The following SGK3 variants were observed in gnomAD, a reference collection of about 807,000 sequenced individuals.
SGK3 encodes serum/glucocorticoid regulated kinase family member 3.
SGK3 carries 47 observed loss-of-function variants against 68.5 expected under a neutral mutation model. The ratio of observed to expected loss-of-function variants is 0.69; its 90% CI spans 0.54 to 0.87. The LOEUF is 0.87. SGK3 is among the 40% of genes least tolerant of loss of function. The pLI is 0.00. For missense variants in SGK3, 479 were observed against 575.5 expected (o/e 0.83, Z 1.72); for synonymous variants, 181 against 189.1 (o/e 0.96, Z 0.35).
At chr8:66,741,811 G>A (rs1049851046) in intron 1 of SGK3, among the ~76,000 whole-genome samples, 1 of 152,224 alleles carries the variant, frequency 6.6e-6, no homozygotes, top group Non-Finnish European at 1.5e-5. Context: ...GATAGGCACA[G>A]TACCAGTAGA....
At chr8:66,836,225 G>C in intron 10 of SGK3, 151 bp downstream of exon 10, 1 of 1,070,524 alleles carries the variant, frequency 9.3e-7, no homozygotes, top group South Asian at 1.8e-5. Flanking sequence ...AGGATGTGGA[G>C]AATTGTAACA....
chr8:66,770,261 A>G (rs1288974509), intron 1 of SGK3, among the ~76,000 whole-genome samples: 2 of 151,960 alleles, frequency 1.3e-5, no homozygotes, highest in Non-Finnish European at 2.9e-5. Flanking sequence ...GCCCCTAGTG[A>G]TTACTTTTTA....
At chr8:66,842,366 G>A (rs1047124270) in intron 13 of SGK3, among the ~76,000 whole-genome samples, 4 of 151,710 alleles carry the variant, frequency 2.6e-5, no homozygotes, top group Non-Finnish European at 4.4e-5. Flanking sequence ...GACTACAGGC[G>A]CCCGCCACCA....
At position 66,859,458 on chromosome 8, in the gene SGK3, A is replaced by C; in HGVS notation, c.1368A>C (p.Glu456Asp). The C allele has an allele frequency of 1.2e-6, 2 of 1,611,766 alleles. No homozygotes were observed. Among genetic ancestry groups the C allele is most frequent in the Middle Eastern group, 1.7e-4 (1 of 6,048 alleles). The change falls in exon 17 of 17, where the codon GAA becomes GAC. Residue 456 changes from glutamate (E) to aspartate (D), a missense_variant. Transcript: ENST00000521198. ...ACTTTGACACAGCATTTACAGAAGA[A>C]ACAGTTCCATATTCTGTGTGTGTAT... The part of the protein sequence containing the change: ...IRNFDTAFTE[E>D]TVPYSVCVSS...
At chr8:66,835,669 C>T (rs1809492263) in intron 8 of SGK3, 94 bp from the exon 9 acceptor site, 11 of 1,351,798 alleles carry the variant, frequency 8.1e-6, no homozygotes, top group South Asian at 1.6e-5. Context: ...TTTCTTTTTA[C>T]AGAATTTAAG....
In SGK3 at chr8:66,798,556, G is replaced by A. The variant is rs1445153305; in HGVS notation, c.111G>A (p.Leu37=). 1.9e-6 allele frequency: 3 copies of A among 1,610,340 alleles called. No homozygotes were observed. Among genetic ancestry groups the A allele is most frequent in the Non-Finnish European group, 2.5e-6 (3 of 1,178,028 alleles). Residue 37 remains leucine, a synonymous_variant, in exon 3 of 17, where the codon CTG becomes CTA. Coordinates refer to ENST00000521198, the MANE Select transcript of SGK3 (RefSeq NM_001033578.3). ...KKKRFTVYKV[L]VSVGRSEWFV... is the part of the protein sequence containing the mutation. The stretch of plus-strand genomic sequence containing the variant: ...TATTTCCACAGGTTTATAAAGTTCT[G>A]GTTTCAGTGGGAAGAAGTGAATGGT...
chr8:66,753,319 A>G (rs1805878178), intron 1 of SGK3, among the ~76,000 whole-genome samples: 1 of 152,148 alleles, frequency 6.6e-6, no homozygotes, highest in African/African-American at 2.4e-5. Context: ...ATGCATTTCC[A>G]TATGTGACCT....
intron 1 of SGK3, among the ~76,000 whole-genome samples, chr8:66,788,160 A>C (rs1192032159): frequency 6.6e-6 from 1 of 152,210 alleles, no homozygotes; most frequent in Non-Finnish European, 1.5e-5. Flanking sequence ...AAGGAGGAAC[A>C]AGCAGTAGGG....
intron 16 of SGK3, among the ~76,000 whole-genome samples, chr8:66,859,040 G>A (rs1810647901): frequency 6.6e-6 from 1 of 152,108 alleles, no homozygotes; most frequent in Admixed American, 6.5e-5. Context: ...TTGTAATAAA[G>A]GACTAAATTG....
At chr8:66,806,923 G>A (rs1339799065) in intron 4 of SGK3, among the ~76,000 whole-genome samples, 1 of 152,120 alleles carries the variant, frequency 6.6e-6, no homozygotes, top group Non-Finnish European at 1.5e-5. Context: ...TATCTCCTTG[G>A]AGCACAGGTT....
At chr8:66,761,346 C>A (rs1323093271) in intron 1 of SGK3, among the ~76,000 whole-genome samples, 1 of 152,144 alleles carries the variant, frequency 6.6e-6, no homozygotes, top group Non-Finnish European at 1.5e-5. Flanking sequence ...GTGAAGAATA[C>A]AATGACTACA....
chr8:66,774,080 A>G (rs1479074578), intron 1 of SGK3, among the ~76,000 whole-genome samples: 1 of 152,080 alleles, frequency 6.6e-6, no homozygotes, highest in African/African-American at 2.4e-5. Flanking sequence ...CTCTCCTATG[A>G]GTTGAGCCTG....
intron 15 of SGK3, among the ~76,000 whole-genome samples, chr8:66,849,136 A>G (rs1460405997): frequency 6.6e-6 from 1 of 151,978 alleles, no homozygotes; most frequent in South Asian, 2.1e-4. Flanking sequence ...GGCAATCTCA[A>G]TTGGTCCCAT....
intron 1 of SGK3, among the ~76,000 whole-genome samples, chr8:66,749,321 G>A (rs148285409): frequency 0.04 from 6,050 of 152,070 alleles, 168 homozygotes; most frequent in African/African-American, 0.07. Context: ...AGACCAGCCT[G>A]GCCAAAATGG....
intron 8 of SGK3, among the ~76,000 whole-genome samples, chr8:66,834,969 G>A (rs1809461471): frequency 6.6e-6 from 1 of 150,770 alleles, no homozygotes. Flanking sequence ...AACCAACAAA[G>A]TGCAGTAAAA....
chr8:66,785,642 T>C (rs556318162), intron 1 of SGK3, among the ~76,000 whole-genome samples: 1 of 152,334 alleles, frequency 6.6e-6, no homozygotes, highest in South Asian at 2.1e-4. Flanking sequence ...TGGCCCCCGA[T>C]GAGAACCACT....
At chr8:66,845,422 A>C (rs1809967160) in intron 14 of SGK3, among the ~76,000 whole-genome samples, 1 of 152,216 alleles carries the variant, frequency 6.6e-6, no homozygotes, top group Non-Finnish European at 1.5e-5. Context: ...AAACAAAAAA[A>C]GTCATATTTT....
intron 6 of SGK3, among the ~76,000 whole-genome samples, chr8:66,827,202 C>T (rs564607529): frequency 6.0e-5 from 9 of 150,984 alleles, no homozygotes; most frequent in Admixed American, 2.0e-4. Flanking sequence ...GTCAACATGG[C>T]GAAACCCTAT....
At chr8:66,840,279 C>A in intron 12 of SGK3, 32 bp downstream of exon 12, 1 of 1,540,030 alleles carries the variant, frequency 6.5e-7, no homozygotes, top group Non-Finnish European at 8.7e-7. Context: ...TCTACTAGTT[C>A]TCAATTTTTG....
Sources: allele counts gnomAD v4.1 joint callset (sites outside exome capture counted in the v4.1 genomes callset), GRCh38; gene constraint gnomAD v4.1.1; transcripts MANE v1.5; gene names NCBI Gene and HGNC (gene_info 2026-07-23, HGNC 2026-07-21).